DNAH11: variants seen among roughly 807,000 people sequenced by gnomAD.
The protein encoded by DNAH11 is dynein axonemal heavy chain 11, also known as axonemal beta dynein heavy chain 11.
A neutral mutation model predicts 526.0 loss-of-function variants in DNAH11; 442 were observed. The ratio of observed to expected loss-of-function variants is 0.84; its 90% CI spans 0.78 to 0.91. The LOEUF (loss-of-function observed/expected upper bound fraction) is 0.91, where lower values mean the gene tolerates loss of function less well. Among genes scored for constraint, DNAH11 ranks in the 40% least tolerant of loss-of-function variants. The pLI is 0.00. For synonymous variants in DNAH11, 2,461 were observed against 1,935.9 expected (o/e 1.27, Z -7.12); for missense variants, 6,989 against 5,448.7 (o/e 1.28, Z -8.90).
At chr7:21,705,423 C>A (rs778207775) in intron 38 of DNAH11, 37 bp from the exon 39 acceptor site, 1 of 1,611,432 alleles carries the variant, frequency 6.2e-7, no homozygotes, top group Non-Finnish European at 8.5e-7. Context: ...TCACCAACTC[C>A]TTAAAGGAAA....
intron 30 of DNAH11, among the ~76,000 whole-genome samples, chr7:21,678,868 T>G (rs968456760): frequency 5.9e-5 from 9 of 152,164 alleles, no homozygotes; most frequent in Admixed American, 5.9e-4. Flanking sequence ...TCCAGCAATC[T>G]CACTTCTGGG....
chr7:21,860,233 G>A (rs1783006232), intron 68 of DNAH11, among the ~76,000 whole-genome samples: 2 of 151,916 alleles, frequency 1.3e-5, no homozygotes, highest in Non-Finnish European at 2.9e-5. Flanking sequence ...TTAGGGAGAT[G>A]CAACTCAAAA....
At chr7:21,897,175 T>C (rs1784545490) in intron 79 of DNAH11, among the ~76,000 whole-genome samples, 1 of 152,182 alleles carries the variant, frequency 6.6e-6, no homozygotes, top group Admixed American at 6.5e-5. Flanking sequence ...TGTTTTCGTT[T>C]TTATGACTGT....
intron 43 of DNAH11, among the ~76,000 whole-genome samples, chr7:21,719,030 C>G (rs1423570682): frequency 1.3e-5 from 2 of 152,092 alleles, no homozygotes; most frequent in Non-Finnish European, 2.9e-5. Context: ...TTATCGTGTT[C>G]TTTCTCAAGT....
chr7:21,639,432 G>A (rs1787020690), intron 28 of DNAH11, among the ~76,000 whole-genome samples: 1 of 152,132 alleles, frequency 6.6e-6, no homozygotes, highest in Non-Finnish European at 1.5e-5. Flanking sequence ...CAAGATCATA[G>A]CTGGTACCTT....
intron 35 of DNAH11, among the ~76,000 whole-genome samples, chr7:21,694,622 C>A: frequency 6.6e-6 from 1 of 152,166 alleles, no homozygotes; most frequent in Non-Finnish European, 1.5e-5. Context: ...GGGTTGGTTC[C>A]AAGTCTTTGC....
At position 21,694,678 on chromosome 7, in the gene DNAH11, A is replaced by G. The variant is rs114528215; in HGVS notation, c.6042-3397A>G. Among the ~76,000 whole-genome samples, 979 of 152,230 alleles carry G rather than the reference A, an allele frequency of 6.4e-3. 11 individuals carry two copies. The highest frequency in any genetic ancestry group is 0.022 in the African/African-American group (931 of 41,526). ...TAAACATACATGTGTATACGTCTTT[A>G]TAGTAGAATGATTTATAATCCCTTG... On this transcript the variant is annotated intron_variant, in intron 35 of 81. Transcript: ENST00000409508.
At chr7:21,875,566 G>C (rs1039505001) in intron 74 of DNAH11, among the ~76,000 whole-genome samples, 4 of 152,186 alleles carry the variant, frequency 2.6e-5, no homozygotes, top group Non-Finnish European at 4.4e-5. Flanking sequence ...AGGAGGCTGA[G>C]AGGAGGATCA....
At chr7:21,589,175 G>A (rs146509541) in intron 11 of DNAH11, 33 bp from the exon 12 acceptor site, 84 of 1,513,316 alleles carry the variant, frequency 5.6e-5, no homozygotes, top group South Asian at 2.5e-4. Context: ...TCTAATATAC[G>A]TATAAACCAG....
intron 23 of DNAH11, chr7:21,618,608 A>C (rs1785896213): frequency 6.2e-6 from 1 of 162,542 alleles, no homozygotes; most frequent in African/African-American, 2.4e-5. Flanking sequence ...AATATGAATA[A>C]TGACACTGTA....
chr7:21,614,531 G>A lies in DNAH11; in HGVS notation c.3853-583G>A, dbSNP rs1049593624. On this transcript the variant is annotated intron_variant, in intron 20 of 81. Coordinates refer to ENST00000409508, the MANE Select transcript of DNAH11 (RefSeq NM_001277115.2). ...AAAGAAAAAACATGTCAGCATTTAC[G>A]TTTGGTGTAAAATGTAAACTATTCT... 3.2e-4 allele frequency among the ~76,000 whole-genome samples: 49 copies of A among 152,260 alleles called. 1 individual carries two copies. Among genetic ancestry groups the A allele is most frequent in the South Asian group, 1.5e-3 (7 of 4,820 alleles).
intron 28 of DNAH11, among the ~76,000 whole-genome samples, chr7:21,641,365 C>A (rs1449070158): frequency 2.6e-5 from 4 of 152,138 alleles, no homozygotes; most frequent in African/African-American, 9.7e-5. Flanking sequence ...CCCTCTTCCT[C>A]CCTATGGTAC....
chr7:21,894,882 A>G lies in DNAH11; in HGVS notation c.12934-2A>G. 5 of 1,613,886 alleles carry G rather than the reference A, an allele frequency of 3.1e-6. No homozygotes were observed. The highest frequency in any genetic ancestry group is 3.4e-6 in the Non-Finnish European group (4 of 1,179,840). ...CTGTGTGGCTTTTTTTCTCCATGCAAGGGGGAATTGGCATTATCTCCTGCT... is the reference window on the plus strand; with the variant it reads ...CTGTGTGGCTTTTTTTCTCCATGCAGGGGGGAATTGGCATTATCTCCTGCT... On this transcript the variant is annotated splice_acceptor_variant, in intron 78 of 81. Transcript: ENST00000409508. LOFTEE classifies it high-confidence loss of function.
At chr7:21,634,584 T>G (rs1786769263) in intron 25 of DNAH11, among the ~76,000 whole-genome samples, 1 of 152,106 alleles carries the variant, frequency 6.6e-6, no homozygotes, top group South Asian at 2.1e-4. Flanking sequence ...TCCATGGCAT[T>G]AAAACAAGCA....
intron 76 of DNAH11, 66 bp downstream of exon 76, chr7:21,884,476 A>G (rs1784047918): frequency 1.4e-6 from 2 of 1,472,662 alleles, no homozygotes; most frequent in African/African-American, 1.4e-5. Flanking sequence ...TAAGAATTTT[A>G]TAAACTAATT....
At chr7:21,544,350 T>G (rs935329390) in intron 1 of DNAH11, among the ~76,000 whole-genome samples, 8 of 152,198 alleles carry the variant, frequency 5.3e-5, no homozygotes, top group Non-Finnish European at 1.2e-4. Context: ...GGAAATAGGA[T>G]CTCAGAGAAG....
At chr7:21,592,443 G>A (rs1285981581) in intron 14 of DNAH11, among the ~76,000 whole-genome samples, 1 of 152,186 alleles carries the variant, frequency 6.6e-6, no homozygotes, top group African/African-American at 2.4e-5. Flanking sequence ...AGCAAACTGA[G>A]ATCAGAATTT....
chr7:21,714,764 C>T (rs375700852), intron 42 of DNAH11, among the ~76,000 whole-genome samples: 1 of 152,174 alleles, frequency 6.6e-6, no homozygotes, highest in Admixed American at 6.5e-5. Context: ...CTTTCTCTCT[C>T]TCTCTTTCTC....
chr7:21,629,760 A>C (rs1240032591), intron 25 of DNAH11, among the ~76,000 whole-genome samples: 1 of 151,640 alleles, frequency 6.6e-6, no homozygotes, highest in Non-Finnish European at 1.5e-5. Context: ...TTTGGTTTCT[A>C]GTTGCATGGT....
Sources: gnomAD v4.1 joint callset for allele counts (sites outside exome capture counted in the v4.1 genomes callset) on GRCh38, gnomAD v4.1.1 for gene constraint, MANE v1.5 for transcripts, NCBI Gene and HGNC (gene_info 2026-07-23, HGNC 2026-07-21) for gene names.